The following JDP2 variants were observed in gnomAD, a reference collection of about 807,000 sequenced individuals.
JDP2 encodes the protein Jun dimerization protein 2.
Under a neutral mutation model 17.1 loss-of-function variants are expected in JDP2, and 9 were observed. That is an observed-to-expected ratio of 0.53 (90% CI 0.32 to 0.92). The LOEUF (loss-of-function observed/expected upper bound fraction) is 0.92. JDP2 is among the 40% of genes least tolerant of loss of function. The pLI is 0.04. For missense variants in JDP2, 179 were observed against 220.0 expected (o/e 0.81, Z 1.18); for synonymous variants, 107 against 95.6 (o/e 1.12, Z -0.69).
intron 1 of JDP2, among the ~76,000 whole-genome samples, chr14:75,434,675 A>G (rs1365552842): frequency 6.6e-6 from 1 of 152,112 alleles, no homozygotes; most frequent in Non-Finnish European, 1.5e-5. Context: ...AGAAGCTGCA[A>G]ACAGAGCCTA....
rs1283881632 is a variant in JDP2 at position 75,471,107 on chromosome 14, C to G, written c.*1632C>G. The stretch of plus-strand genomic sequence containing the variant: ...CTGTCACCAACCCACTATGATTGTC[C>G]TCATGGTTGAATAGGAAGCTTATGA... On this transcript the variant is annotated 3_prime_UTR_variant, in exon 4 of 4. Transcript: ENST00000651602. The G allele has an allele frequency of 6.6e-6, 1 of 152,210 alleles. No homozygotes were observed. Among genetic ancestry groups the G allele is most frequent in the Non-Finnish European group, 1.5e-5 (1 of 68,060 alleles). The allele number at this position is 152,210 out of a possible 1,614,324, so 9.4% of individuals were successfully genotyped here.
At chr14:75,447,120 G>A (rs528092399) in intron 2 of JDP2, among the ~76,000 whole-genome samples, 8 of 152,274 alleles carry the variant, frequency 5.3e-5, no homozygotes, top group East Asian at 3.9e-4. Context: ...AGAATTCCCC[G>A]GAAAGTCTTT....
chr14:75,438,141 CT>C lies in JDP2; in HGVS notation c.201+21del, dbSNP rs756087172. The C allele has an allele frequency of 1.3e-6, 2 of 1,570,478 alleles. No homozygotes were observed. Among genetic ancestry groups the C allele is most frequent in the African/African-American group, 2.7e-5 (2 of 73,998 alleles). On this transcript the variant is annotated intron_variant, in intron 2 of 3. Coordinates refer to ENST00000651602, the MANE Select transcript of JDP2 (RefSeq NM_001135048.2). ...AGTGAGGTGAGCGAGCCTTTTACCC[CT>C]GGCAGATTCCAGGTCTGGCCTTAAA...
chr14:75,441,531 C>T (rs982978287), intron 2 of JDP2, among the ~76,000 whole-genome samples: 19 of 152,124 alleles, frequency 1.2e-4, no homozygotes, highest in Non-Finnish European at 1.3e-4. Flanking sequence ...ATTGCAGTGA[C>T]GGCATCCAAA....
At chr14:75,467,152 C>T (rs532079867) in intron 3 of JDP2, among the ~76,000 whole-genome samples, 4 of 152,280 alleles carry the variant, frequency 2.6e-5, no homozygotes, top group Admixed American at 6.5e-5. Flanking sequence ...TCACTTTCTA[C>T]CCTACTAAGT....
At chr14:75,427,303 C>T (rs1038596978), upstream of JDP2, 1 of 152,544 alleles carries the variant, frequency 6.6e-6, no homozygotes, top group Non-Finnish European at 1.5e-5. This position sits in a 1 kb window ranked among gnomAD's most constrained non-coding sequence, Gnocchi z 4.4. Context: ...AAGCCGCGGT[C>T]TCAGGCTGCA....
intron 2 of JDP2, among the ~76,000 whole-genome samples, chr14:75,450,192 C>T (rs1401704121): frequency 6.6e-6 from 1 of 152,096 alleles, no homozygotes; most frequent in African/African-American, 2.4e-5. Flanking sequence ...GCTCTGATGC[C>T]CCACAAAGAT....
At chr14:75,448,885 C>G (rs1182519362) in intron 2 of JDP2, among the ~76,000 whole-genome samples, 3 of 152,210 alleles carry the variant, frequency 2.0e-5, no homozygotes, top group Non-Finnish European at 4.4e-5. Context: ...GTGTCCCACT[C>G]TATCTGCCTC....
intron 2 of JDP2, among the ~76,000 whole-genome samples, chr14:75,456,807 C>T (rs570238198): frequency 6.6e-6 from 1 of 152,344 alleles, no homozygotes; most frequent in South Asian, 2.1e-4. Flanking sequence ...TACAGCTCGG[C>T]TCAGCCATTC....
intron 2 of JDP2, among the ~76,000 whole-genome samples, chr14:75,443,046 G>T (rs148720420): frequency 6.6e-6 from 1 of 152,104 alleles, no homozygotes; most frequent in Non-Finnish European, 1.5e-5. Flanking sequence ...ACTGTCTGTG[G>T]ATTTCACATT....
chr14:75,443,990 C>T (rs1435475588), intron 2 of JDP2, among the ~76,000 whole-genome samples: 3 of 151,970 alleles, frequency 2.0e-5, no homozygotes, highest in Non-Finnish European at 4.4e-5. Flanking sequence ...GCAGCCTTGA[C>T]CTCTTGAGCT....
chr14:75,448,466 A>C (rs758884675), intron 2 of JDP2, among the ~76,000 whole-genome samples: 7 of 152,148 alleles, frequency 4.6e-5, no homozygotes, highest in Non-Finnish European at 8.8e-5. Flanking sequence ...CCATGATTCT[A>C]TCTGAGAATG....
intron 3 of JDP2, among the ~76,000 whole-genome samples, chr14:75,463,242 C>T (rs1886414888): frequency 6.6e-6 from 1 of 152,214 alleles, no homozygotes; most frequent in Admixed American, 6.5e-5. Context: ...CAGGCATTTC[C>T]CATGTTTTAT....
In JDP2 at chr14:75,461,567, C is replaced by T. The variant is rs201723171; in HGVS notation, c.306+37C>T. 440 of 1,474,804 alleles carry T rather than the reference C, an allele frequency of 3.0e-4. 1 individual carries two copies. In the African/African-American group the frequency reaches 5.6e-3, roughly 19 times the overall value. 91.4% of individuals were successfully genotyped at this position (1,474,804 alleles called of 1,614,324 possible). On this transcript the variant is annotated intron_variant, in intron 3 of 3. Coordinates refer to ENST00000651602, the MANE Select transcript of JDP2 (RefSeq NM_001135048.2). ...GGGTGGGTGGGGAGGCCTGCCATTC[C>T]TTGGAGTGAGCTTGTGTACTCTGGA...
intron 2 of JDP2, among the ~76,000 whole-genome samples, chr14:75,451,035 T>C (rs1037408086): frequency 6.6e-6 from 1 of 152,090 alleles, no homozygotes; most frequent in Admixed American, 6.6e-5. Flanking sequence ...GGGAAGTGTA[T>C]GGTATATGGC....
Position 75,430,258 on chromosome 14 carries a change from GT to G in JDP2, c.-24+2009del, listed in dbSNP as rs1202750608. ...AATGGGCTGTCTCTCTCGAGTGTCT[GT>G]TTCCAGCTCCACTCTGGAAAGAAAG... On this transcript the variant is annotated intron_variant, in intron 1 of 3. Coordinates refer to ENST00000651602, the MANE Select transcript of JDP2 (RefSeq NM_001135048.2). The surrounding 1 kb of genome is among the most constrained non-coding windows in gnomAD (Gnocchi z 4.5). Among the ~76,000 whole-genome samples the G allele has an allele frequency of 3.9e-5, 6 of 152,142 alleles. No homozygotes were observed. Among genetic ancestry groups the G allele is most frequent in the Non-Finnish European group, 8.8e-5 (6 of 68,034 alleles).
rs184276291 is a variant in JDP2 at position 75,448,216 on chromosome 14, G to C, written c.201+10095G>C. Among the ~76,000 whole-genome samples the C allele has an allele frequency of 3.4e-3, 517 of 152,078 alleles. 4 individuals carry two copies. The highest frequency in any genetic ancestry group is 0.012 in the African/African-American group (488 of 41,376). Reference sequence around the variant, plus strand: ...CGCCTTAACCTGTTGAGTATTTTGTGGTATCATTTGAACAAGATGTTTCTG... The same window carrying C: ...CGCCTTAACCTGTTGAGTATTTTGTCGTATCATTTGAACAAGATGTTTCTG... On this transcript the variant is annotated intron_variant, in intron 2 of 3. Coordinates refer to ENST00000651602, the MANE Select transcript of JDP2 (RefSeq NM_001135048.2).
Position 75,442,356 on chromosome 14 carries a change from T to A in JDP2, c.201+4235T>A, listed in dbSNP as rs116310416. Among the ~76,000 whole-genome samples, 447 of 152,328 alleles carry A rather than the reference T, an allele frequency of 2.9e-3. 5 individuals are homozygous for A. The highest frequency in any genetic ancestry group is 0.01 in the African/African-American group (419 of 41,558). On this transcript the variant is annotated intron_variant, in intron 2 of 3. Coordinates refer to ENST00000651602, the MANE Select transcript of JDP2 (RefSeq NM_001135048.2). The stretch of plus-strand genomic sequence containing the variant: ...CAAGAGGTTGGAGCTGAGGGGCAGA[T>A]GCCTGCTGTATTTGTATACAGCCTT...
At chr14:75,439,050 C>G (rs1594950308) in intron 2 of JDP2, among the ~76,000 whole-genome samples, 1 of 152,198 alleles carries the variant, frequency 6.6e-6, no homozygotes, top group South Asian at 2.1e-4. Context: ...GGAATGGTAG[C>G]TCTGCTTGGA....
Sources: gnomAD v4.1 joint callset for allele counts (sites outside exome capture counted in the v4.1 genomes callset) on GRCh38, gnomAD v4.1.1 for gene constraint, Gnocchi (gnomAD v3.1) non-coding constraint, MANE v1.5 for transcripts, NCBI Gene and HGNC (gene_info 2026-07-23, HGNC 2026-07-21) for gene names.